Variants in DTNBP1 observed in about 807,000 individuals in gnomAD.
DTNBP1 encodes dystrobrevin binding protein 1.
In DTNBP1, 35 loss-of-function variants were observed where a neutral mutation model predicts 42.8. That is an observed-to-expected ratio of 0.82 (90% CI 0.63 to 1.09). The LOEUF (loss-of-function observed/expected upper bound fraction) is 1.09. DTNBP1 is among the 50% of genes least tolerant of loss of function. DTNBP1 has a pLI of 0.00. For synonymous variants in DTNBP1, 171 were observed against 162.2 expected (o/e 1.05, Z -0.41); for missense variants, 457 against 424.2 (o/e 1.08, Z -0.68).
rs145957125 is a variant in DTNBP1, at chr6:15,649,410, A to G, written c.161+1903T>C. Among the ~76,000 whole-genome samples, 215 of 152,328 alleles carry G rather than the reference A, an allele frequency of 1.4e-3. 1 individual carries two copies. The East Asian group carries it at 0.019, about 14-fold the overall frequency. ...AAATGAAATAAGCCGGTCACACACA[A>G]AAGTACTTTATAATTGCACTTATAT... On this transcript the variant is annotated intron_variant, in intron 3 of 9. Transcript: ENST00000344537.
intron 4 of DTNBP1, among the ~76,000 whole-genome samples, chr6:15,634,700 A>G (rs1370782699): frequency 2.1e-4 from 32 of 152,124 alleles, no homozygotes; most frequent in Admixed American, 2.1e-3. Flanking sequence ...AATCAATATC[A>G]ATACATTTCC....
At chr6:15,586,049 C>T in intron 7 of DTNBP1, 2 of 1,154,000 alleles carry the variant, frequency 1.7e-6, no homozygotes, top group South Asian at 8.7e-5. Context: ...ATACCAAATG[C>T]AGCTCAAAAT....
intron 9 of DTNBP1, 111 bp from the exon 10 acceptor site, chr6:15,523,330 T>C (rs1772051695): frequency 6.8e-7 from 1 of 1,471,208 alleles, no homozygotes; most frequent in Non-Finnish European, 9.3e-7. Flanking sequence ...GTGGTTTTTG[T>C]TCCAGGCACC....
rs1252806770 is a variant in DTNBP1, at chr6:15,628,427, C to T, written c.223-952G>A. Among the ~76,000 whole-genome samples, 4 of 87,686 alleles carry T rather than the reference C, an allele frequency of 4.6e-5. No homozygotes were observed. In the Admixed American group the frequency reaches 5.1e-4, roughly 11 times the overall value. 57.5% of individuals were successfully genotyped at this position (87,686 alleles called of 152,430 possible). A position where few individuals can be genotyped will look rare whatever the true frequency, so the allele number is the denominator to read the frequency against. On this transcript the variant is annotated intron_variant, in intron 4 of 9. Transcript: ENST00000344537. ...TTTTTTTTTTTTTTTTTTTTTGAGA[C>T]GAAGTTTCGCTCTTGTTGCCCAGGC...
At chr6:15,585,392 T>TA (rs888676438) in intron 7 of DTNBP1, among the ~76,000 whole-genome samples, 68 of 149,654 alleles carry the variant, frequency 4.5e-4, no homozygotes, top group Non-Finnish European at 7.8e-4. Context: ...TATTGCTTCA[T>TA]AAAAAATGTC....
At chr6:15,551,856 AC>A (rs1774229914) in intron 7 of DTNBP1, among the ~76,000 whole-genome samples, 1 of 152,234 alleles carries the variant, frequency 6.6e-6, no homozygotes, top group South Asian at 2.1e-4. Flanking sequence ...CCTCACAAGT[AC>A]ACAGGAGTAG....
At chr6:15,660,829 A>G (rs1278154597) in intron 1 of DTNBP1, among the ~76,000 whole-genome samples, 1 of 152,152 alleles carries the variant, frequency 6.6e-6, no homozygotes, top group Non-Finnish European at 1.5e-5. Context: ...AGTTATAGTA[A>G]CTACAAGATG....
chr6:15,642,321 C>T (rs1760415530), intron 3 of DTNBP1, among the ~76,000 whole-genome samples: 1 of 152,186 alleles, frequency 6.6e-6, no homozygotes, highest in Admixed American at 6.5e-5. Flanking sequence ...GTGACAGGGG[C>T]ATGATAGGAA....
chr6:15,659,056 C>G (rs556137093), intron 1 of DTNBP1, among the ~76,000 whole-genome samples: 4 of 152,306 alleles, frequency 2.6e-5, no homozygotes, highest in Admixed American at 2.0e-4. Context: ...CCCAAACCAC[C>G]AGTAATCTCT....
chr6:15,537,640 G>A (rs945547426), intron 7 of DTNBP1, among the ~76,000 whole-genome samples: 1 of 152,110 alleles, frequency 6.6e-6, no homozygotes, highest in Non-Finnish European at 1.5e-5. Flanking sequence ...TTGGATCATG[G>A]AGGCAGTTTC....
At chr6:15,606,826 A>G (rs1758087101) in intron 6 of DTNBP1, among the ~76,000 whole-genome samples, 1 of 152,144 alleles carries the variant, frequency 6.6e-6, no homozygotes, top group Non-Finnish European at 1.5e-5. Context: ...GTTAAAAAGG[A>G]AGAAGGTTTA....
At chr6:15,532,842 GAC>G (rs1376254226) in intron 8 of DTNBP1, among the ~76,000 whole-genome samples, 1 of 151,598 alleles carries the variant, frequency 6.6e-6, no homozygotes, top group Non-Finnish European at 1.5e-5. Context: ...TGGGATTAGA[GAC>G]ACGCGCCACC....
At chr6:15,565,338 A>G (rs780880262) in intron 7 of DTNBP1, among the ~76,000 whole-genome samples, 5 of 152,244 alleles carry the variant, frequency 3.3e-5, no homozygotes, top group Non-Finnish European at 7.3e-5. Flanking sequence ...CTAGGAATCT[A>G]CGCAAGAGGA....
At chr6:15,574,112 C>T (rs1258681125) in intron 7 of DTNBP1, among the ~76,000 whole-genome samples, 1 of 152,224 alleles carries the variant, frequency 6.6e-6, no homozygotes, top group Non-Finnish European at 1.5e-5. Flanking sequence ...CAGATACACA[C>T]ACCAGAACCC....
At chr6:15,636,554 C>T (rs1760034710) in intron 4 of DTNBP1, among the ~76,000 whole-genome samples, 2 of 152,174 alleles carry the variant, frequency 1.3e-5, no homozygotes, top group Admixed American at 6.5e-5. Flanking sequence ...AATCAAGAAA[C>T]GAGGCTATGC....
intron 7 of DTNBP1, among the ~76,000 whole-genome samples, chr6:15,555,654 T>C (rs1172723897): frequency 6.6e-6 from 1 of 152,180 alleles, no homozygotes; most frequent in Non-Finnish European, 1.5e-5. Flanking sequence ...GAAGTTACTC[T>C]ACATGGTCTA....
intron 7 of DTNBP1, among the ~76,000 whole-genome samples, chr6:15,588,291 T>TAGATAGAGAA (rs1776160415): frequency 6.6e-6 from 1 of 152,188 alleles, no homozygotes; most frequent in African/African-American, 2.4e-5. Context: ...GACCTGATCT[T>TAGATAGAGAA]CTCTAATCTA....
At chr6:15,524,311 A>T in intron 9 of DTNBP1, 1 of 1,611,048 alleles carries the variant, frequency 6.2e-7, no homozygotes, top group South Asian at 1.1e-5. Flanking sequence ...GGAGTGGAGC[A>T]TGTCAAATCT....
At position 15,615,402 on chromosome 6, in the gene DTNBP1, G is replaced by T. The variant is rs925025418; in HGVS notation, c.356-3C>A. 1 of 1,613,770 alleles carries T rather than the reference G, an allele frequency of 6.2e-7. No homozygotes were observed. Among genetic ancestry groups the T allele is most frequent in the African/African-American group, 1.3e-5 (1 of 75,010 alleles). On this transcript the variant is annotated splice_polypyrimidine_tract_variant and splice_region_variant and intron_variant, in intron 5 of 9. Transcript: ENST00000344537. ...CTCAAAACTCGCCTCTAAATGAGCT[G>T]AAAGTATATAAAAATAAACAGACCT...
Sources: gnomAD v4.1 joint callset for allele counts (sites outside exome capture counted in the v4.1 genomes callset) on GRCh38, gnomAD v4.1.1 for gene constraint, MANE v1.5 for transcripts, NCBI Gene and HGNC (gene_info 2026-07-23, HGNC 2026-07-21) for gene names.